Variants in MAGI2 observed in about 807,000 individuals in gnomAD.
MAGI2 encodes membrane-associated guanylate kinase, WW and PDZ domain-containing protein 2.
MAGI2 carries 35 observed loss-of-function variants against 133.3 expected under a neutral mutation model. The ratio of observed to expected loss-of-function variants is 0.26; its 90% CI spans 0.20 to 0.35. The LOEUF is 0.35. Among genes scored for constraint, MAGI2 ranks in the 10% least tolerant of loss-of-function variants. MAGI2 has a pLI of 1.00. For missense variants in MAGI2, 1,636 were observed against 1,863.4 expected (o/e 0.88, Z 2.25); for synonymous variants, 729 against 710.6 (o/e 1.03, Z -0.41).
chr7:78,549,124 C>T (rs1455426089), intron 3 of MAGI2, among the ~76,000 whole-genome samples: 4 of 152,118 alleles, frequency 2.6e-5, no homozygotes, highest in Admixed American at 2.6e-4. Context: ...CTCAGTTTGA[C>T]AAGCACTCTT....
chr7:79,391,540 CATATATATATATATATATATAT>C (rs1198335417), intron 1 of MAGI2, among the ~76,000 whole-genome samples: 8 of 46,704 alleles, frequency 1.7e-4, no homozygotes, highest in Non-Finnish European at 2.1e-4. Context: ...TATATATAGA[CATATATATATATATATATATAT>C]ACACACTTTA....
intron 2 of MAGI2, among the ~76,000 whole-genome samples, chr7:78,911,540 T>C (rs1798398284): frequency 6.6e-6 from 1 of 152,124 alleles, no homozygotes; most frequent in African/African-American, 2.4e-5. Context: ...ACTAAACCTG[T>C]CAGCATCTTG....
intron 1 of MAGI2, among the ~76,000 whole-genome samples, chr7:79,283,833 T>C (rs1474065526): frequency 6.6e-6 from 1 of 152,158 alleles, no homozygotes; most frequent in Non-Finnish European, 1.5e-5. Context: ...ATTCATGTGC[T>C]GCATAATCAA....
At chr7:78,655,738 T>C (rs12539812) in intron 2 of MAGI2, among the ~76,000 whole-genome samples, 1 of 151,934 alleles carries the variant, frequency 6.6e-6, no homozygotes, top group South Asian at 2.1e-4. Flanking sequence ...TCCCAGCACT[T>C]TGGGAGGCCG....
chr7:79,452,066 G>A (rs1055032115), intron 1 of MAGI2, among the ~76,000 whole-genome samples: 3 of 151,964 alleles, frequency 2.0e-5, no homozygotes, highest in African/African-American at 7.2e-5. Context: ...AAGTCAGGTT[G>A]GAGCTGAGGG....
intron 21 of MAGI2, among the ~76,000 whole-genome samples, chr7:78,023,712 G>T (rs1340880820): frequency 6.6e-6 from 1 of 152,122 alleles, no homozygotes; most frequent in Non-Finnish European, 1.5e-5. Context: ...TCTAGTCAAG[G>T]TTGCCGATGA....
At chr7:78,867,214 C>A (rs1002670733) in intron 2 of MAGI2, among the ~76,000 whole-genome samples, 8 of 151,328 alleles carry the variant, frequency 5.3e-5, no homozygotes, top group Admixed American at 4.0e-4. Context: ...GACTATAAAT[C>A]ATGCTGCTAT....
intron 4 of MAGI2, among the ~76,000 whole-genome samples, chr7:78,516,428 T>G (rs1584469568): frequency 6.6e-6 from 1 of 152,150 alleles, no homozygotes; most frequent in African/African-American, 2.4e-5. Flanking sequence ...CATGGCTCCT[T>G]GCAGCCTTGA....
intron 2 of MAGI2, among the ~76,000 whole-genome samples, chr7:78,774,842 G>A (rs10953690): frequency 0.86 from 130,415 of 152,120 alleles, 56,198 homozygotes; most frequent in East Asian, 1. Flanking sequence ...ACAGAACATG[G>A]TGACTAATTG....
intron 3 of MAGI2, among the ~76,000 whole-genome samples, chr7:78,555,222 AC>A (rs1799712934): frequency 2.1e-5 from 2 of 97,302 alleles, no homozygotes; most frequent in South Asian, 3.9e-4. Flanking sequence ...AGATAGATAG[AC>A]AGATAGATAG....
chr7:79,280,701 G>A (rs959989507), intron 1 of MAGI2, among the ~76,000 whole-genome samples: 5 of 151,970 alleles, frequency 3.3e-5, no homozygotes, highest in African/African-American at 9.7e-5. Context: ...GGCAGATGGG[G>A]AGGATCACTT....
At chr7:78,906,521 TGGAGA>T (rs1395325801) in intron 2 of MAGI2, among the ~76,000 whole-genome samples, 1 of 152,136 alleles carries the variant, frequency 6.6e-6, no homozygotes, top group Non-Finnish European at 1.5e-5. Context: ...TCCCTGAGAG[TGGAGA>T]GGAATCTCTA....
Position 78,442,489 on chromosome 7 carries a change from A to G in MAGI2, c.1045+47272T>C, listed in dbSNP as rs183943928. ...GGTGAATCAATAATTCTGTAATCAT[A>G]TATCTGAAATCCTATCTAGGCTTGT... On this transcript the variant is annotated intron_variant, in intron 6 of 21. Transcript: ENST00000354212. Among the ~76,000 whole-genome samples, 26 of 152,310 alleles carry G rather than the reference A, an allele frequency of 1.7e-4. No homozygotes were observed. In the East Asian group the frequency reaches 4.8e-3, roughly 28 times the overall value.
intron 2 of MAGI2, among the ~76,000 whole-genome samples, chr7:78,893,812 C>T (rs913883380): frequency 2.0e-5 from 3 of 151,952 alleles, no homozygotes; most frequent in Non-Finnish European, 2.9e-5. Flanking sequence ...ACCAACATGG[C>T]GCATATATAC....
chr7:79,104,582 G>A (rs1035725172), intron 1 of MAGI2, among the ~76,000 whole-genome samples: 3 of 152,020 alleles, frequency 2.0e-5, no homozygotes, highest in Admixed American at 1.3e-4. Context: ...CAGGAGAATC[G>A]CTTGAACCTG....
At chr7:78,462,802 A>G (rs1790200647) in intron 6 of MAGI2, among the ~76,000 whole-genome samples, 1 of 152,232 alleles carries the variant, frequency 6.6e-6, no homozygotes, top group African/African-American at 2.4e-5. Context: ...TGCAGCAACG[A>G]GGAAGCAGGA....
chr7:78,696,713 A>G lies in MAGI2; in HGVS notation c.419-69474T>C, dbSNP rs185004460. On this transcript the variant is annotated intron_variant, in intron 2 of 21. Coordinates refer to ENST00000354212, the MANE Select transcript of MAGI2 (RefSeq NM_012301.4). ...AAAAAGATTGTCAGTTTTCTGATAAATAGACTGATCAACAGAATGTAAGAG... is the reference window on the plus strand; with the variant it reads ...AAAAAGATTGTCAGTTTTCTGATAAGTAGACTGATCAACAGAATGTAAGAG... Among the ~76,000 whole-genome samples the G allele has an allele frequency of 1.7e-3, 258 of 152,346 alleles. 3 individuals carry two copies. The Middle Eastern group carries it at 0.031, about 18-fold the overall frequency.
intron 1 of MAGI2, among the ~76,000 whole-genome samples, chr7:79,194,780 G>C (rs1359258206): frequency 6.6e-6 from 1 of 150,926 alleles, no homozygotes; most frequent in African/African-American, 2.4e-5. Flanking sequence ...TCAGTTTGAA[G>C]ACTACCTTAG....
At chr7:78,700,422 T>C (rs1817948742) in intron 2 of MAGI2, among the ~76,000 whole-genome samples, 2 of 152,132 alleles carry the variant, frequency 1.3e-5, no homozygotes, top group South Asian at 4.1e-4. Context: ...CTTGTTTATC[T>C]TCTTCCTAAA....
Sources: gnomAD v4.1 joint callset for allele counts (sites outside exome capture counted in the v4.1 genomes callset) on GRCh38, gnomAD v4.1.1 for gene constraint, MANE v1.5 for transcripts, NCBI Gene and HGNC (gene_info 2026-07-23, HGNC 2026-07-21) for gene names.